The following PDE4B variants were observed in gnomAD, a reference collection of about 807,000 sequenced individuals.
The protein encoded by PDE4B is phosphodiesterase 4B, also known as 3',5'-cyclic-AMP phosphodiesterase 4B.
Under a neutral mutation model 82.2 loss-of-function variants are expected in PDE4B, and 20 were observed. That is an observed-to-expected ratio of 0.24 (90% confidence interval 0.17 to 0.35). The LOEUF (loss-of-function observed/expected upper bound fraction) is 0.35. Ranked by LOEUF, PDE4B falls within the 10% of genes least tolerant of loss-of-function variation. The pLI is 1.00. For synonymous variants in PDE4B, 320 were observed against 318.9 expected (o/e 1.00, Z -0.04); for missense variants, 655 against 907.2 (o/e 0.72, Z 3.57).
intron 1 of PDE4B, among the ~76,000 whole-genome samples, chr1:65,808,385 G>T (rs534018014): frequency 1.5e-4 from 23 of 152,118 alleles, no homozygotes; most frequent in African/African-American, 5.5e-4. Context: ...GCCCAGGCTG[G>T]TCTTGAACTT....
chr1:66,106,688 T>C (rs1033560436), intron 3 of PDE4B, among the ~76,000 whole-genome samples: 3 of 152,118 alleles, frequency 2.0e-5, no homozygotes, highest in African/African-American at 7.2e-5. Context: ...TGTTGAGAAA[T>C]TTATCCATTT....
chr1:65,868,172 T>A (rs1297780032), intron 1 of PDE4B, among the ~76,000 whole-genome samples: 1 of 152,218 alleles, frequency 6.6e-6, no homozygotes, highest in Non-Finnish European at 1.5e-5. Context: ...CTATGCTCTC[T>A]CTGCTCCAAG....
At chr1:66,214,568 T>C (rs182808412) in intron 3 of PDE4B, among the ~76,000 whole-genome samples, 1 of 152,194 alleles carries the variant, frequency 6.6e-6, no homozygotes, top group African/African-American at 2.4e-5. Flanking sequence ...GTATTTTAGA[T>C]TTGATGAAAT....
At chr1:66,126,291 CCTAA>C (rs534385831) in intron 3 of PDE4B, among the ~76,000 whole-genome samples, 62 of 152,140 alleles carry the variant, frequency 4.1e-4, no homozygotes, top group Middle Eastern at 3.4e-3. Flanking sequence ...AAGGTCAGTT[CCTAA>C]CTAACAAAAT....
intron 7 of PDE4B, among the ~76,000 whole-genome samples, chr1:66,288,363 C>T (rs1557680786): frequency 6.6e-6 from 1 of 152,148 alleles, no homozygotes; most frequent in Non-Finnish European, 1.5e-5. Flanking sequence ...CCACCTCCAA[C>T]ACTGAGGATT....
intron 3 of PDE4B, among the ~76,000 whole-genome samples, chr1:66,157,850 GT>G (rs890040670): frequency 2.1e-4 from 31 of 149,210 alleles, no homozygotes; most frequent in Middle Eastern, 3.4e-3. Flanking sequence ...GAAGTCAAGT[GT>G]TTTTTTTTCA....
chr1:65,842,334 A>T (rs1487780445), intron 1 of PDE4B, among the ~76,000 whole-genome samples: 2 of 152,150 alleles, frequency 1.3e-5, no homozygotes, highest in Non-Finnish European at 2.9e-5. Context: ...TTCATATATG[A>T]AAGAGTTGCA....
At chr1:66,228,105 C>G (rs1651602086) in intron 3 of PDE4B, among the ~76,000 whole-genome samples, 1 of 152,242 alleles carries the variant, frequency 6.6e-6, no homozygotes, top group African/African-American at 2.4e-5. Context: ...TTTGCACTTG[C>G]TGTTTCCTTA....
intron 3 of PDE4B, among the ~76,000 whole-genome samples, chr1:66,199,907 T>C (rs1648724080): frequency 6.6e-6 from 1 of 152,244 alleles, no homozygotes; most frequent in African/African-American, 2.4e-5. Context: ...GTTTTAGACA[T>C]GAAGTCCTTG....
At chr1:66,145,224 T>G (rs1320570316) in intron 3 of PDE4B, among the ~76,000 whole-genome samples, 1 of 152,164 alleles carries the variant, frequency 6.6e-6, no homozygotes, top group Non-Finnish European at 1.5e-5. Flanking sequence ...GCCCTTAATT[T>G]TCTGGGAGGC....
At chr1:66,207,905 T>G (rs754588214) in intron 3 of PDE4B, among the ~76,000 whole-genome samples, 3 of 152,224 alleles carry the variant, frequency 2.0e-5, no homozygotes, top group Non-Finnish European at 4.4e-5. Context: ...AGGTTTGATC[T>G]CAGGCTTGTT....
At chr1:66,202,888 T>C (rs1649137745) in intron 3 of PDE4B, among the ~76,000 whole-genome samples, 1 of 151,572 alleles carries the variant, frequency 6.6e-6, no homozygotes, top group Admixed American at 6.6e-5. Flanking sequence ...GATCCTGTCA[T>C]TATGATGTTA....
chr1:66,091,770 G>T (rs1318210082), intron 3 of PDE4B, among the ~76,000 whole-genome samples: 1 of 152,058 alleles, frequency 6.6e-6, no homozygotes, highest in Non-Finnish European at 1.5e-5. Flanking sequence ...AGGGTTATTG[G>T]TGGAGGCCAT....
chr1:66,033,504 C>T (rs1161741070), intron 3 of PDE4B, among the ~76,000 whole-genome samples: 2 of 152,134 alleles, frequency 1.3e-5, no homozygotes, highest in East Asian at 3.8e-4. Flanking sequence ...CTCCCAGGAC[C>T]AGTGCATGCT....
intron 3 of PDE4B, chr1:66,094,330 C>T (rs1250760155): frequency 6.6e-6 from 1 of 151,986 alleles, no homozygotes; most frequent in Non-Finnish European, 1.5e-5. Context: ...AGTTTACAAT[C>T]CTTGTATAAC....
At chr1:66,241,839 C>T (rs1484814414) in intron 3 of PDE4B, among the ~76,000 whole-genome samples, 1 of 152,154 alleles carries the variant, frequency 6.6e-6, no homozygotes, top group Non-Finnish European at 1.5e-5. Context: ...AAAGAAGAAC[C>T]TAGTGACTCC....
chr1:66,316,262 C>G (rs187140841), intron 7 of PDE4B, among the ~76,000 whole-genome samples: 9 of 152,278 alleles, frequency 5.9e-5, no homozygotes, highest in Admixed American at 5.9e-4. Context: ...TTAATATTCC[C>G]TTGTTTACTA....
At chr1:66,206,774 G>C (rs1449200439) in intron 3 of PDE4B, among the ~76,000 whole-genome samples, 3 of 152,286 alleles carry the variant, frequency 2.0e-5, no homozygotes, top group African/African-American at 7.2e-5. Context: ...GTATGGACCT[G>C]ACATCATTAT....
At chr1:66,141,330 ATATATATATAT>A (rs1646166186) in intron 3 of PDE4B, among the ~76,000 whole-genome samples, 1 of 63,224 alleles carries the variant, frequency 1.6e-5, no homozygotes, top group African/African-American at 4.2e-5. Context: ...CTTTGAGAAT[ATATATATATAT>A]ATATATATAT....
Sources: gnomAD v4.1 joint callset for allele counts (sites outside exome capture counted in the v4.1 genomes callset) on GRCh38, gnomAD v4.1.1 for gene constraint, MANE v1.5 for transcripts, NCBI Gene and HGNC (gene_info 2026-07-23, HGNC 2026-07-21) for gene names.